KCNH5: variants seen among roughly 807,000 people sequenced by gnomAD.
KCNH5 encodes the protein voltage-gated delayed rectifier potassium channel KCNH5.
In KCNH5, 46 loss-of-function variants were observed where a neutral mutation model predicts 96.1. The observed-to-expected ratio is 0.48, with a 90% CI of 0.38 to 0.61. The LOEUF is 0.61. Ranked by LOEUF, KCNH5 falls within the 20% of genes least tolerant of loss-of-function variation. The probability of loss-of-function intolerance (pLI) is 0.00; values close to 1 mark genes in which losing one functional copy is unlikely to be tolerated. For synonymous variants in KCNH5, 439 were observed against 449.8 expected (o/e 0.98, Z 0.30); for missense variants, 907 against 1,225.8 (o/e 0.74, Z 3.88).
intron 7 of KCNH5, among the ~76,000 whole-genome samples, chr14:62,873,560 G>T (rs145072246): frequency 0.012 from 1,787 of 152,204 alleles, 56 homozygotes; most frequent in African/African-American, 0.041. Flanking sequence ...ATTACATATG[G>T]GAAGTATAAT....
At chr14:63,014,538 G>T (rs1018841249) in intron 2 of KCNH5, among the ~76,000 whole-genome samples, 2 of 152,082 alleles carry the variant, frequency 1.3e-5, no homozygotes, top group Non-Finnish European at 2.9e-5. Flanking sequence ...ACTTGCCAAA[G>T]AAAATAGGCC....
intron 6 of KCNH5, among the ~76,000 whole-genome samples, chr14:62,970,350 C>T (rs1338102101): frequency 6.6e-6 from 1 of 151,994 alleles, no homozygotes; most frequent in Non-Finnish European, 1.5e-5. Context: ...AATTAATAAC[C>T]TTCTAAAACA....
chr14:62,865,379 G>A (rs1366937934), intron 7 of KCNH5, among the ~76,000 whole-genome samples: 2 of 151,582 alleles, frequency 1.3e-5, no homozygotes, highest in African/African-American at 4.8e-5. Context: ...TAGACAAGTT[G>A]GACTGGAGTG....
chr14:62,980,333 T>C (rs1890582205), intron 6 of KCNH5, among the ~76,000 whole-genome samples: 1 of 152,178 alleles, frequency 6.6e-6, no homozygotes, highest in Admixed American at 6.5e-5. Flanking sequence ...TGGCAAAAAT[T>C]CAAGAATTGC....
intron 7 of KCNH5, among the ~76,000 whole-genome samples, chr14:62,851,284 C>G (rs1595654787): frequency 6.6e-6 from 1 of 152,056 alleles, no homozygotes; most frequent in African/African-American, 2.4e-5. Context: ...TTTCAATATT[C>G]ATATTTAAAA....
rs138918195 is a variant in KCNH5 at position 63,042,453 on chromosome 14, T to C, written c.73+2661A>G. 5.2e-3 allele frequency among the ~76,000 whole-genome samples: 788 copies of C among 152,152 alleles called. 5 individuals are homozygous for C. The highest frequency in any genetic ancestry group is 0.017 in the African/African-American group (718 of 41,534). On this transcript the variant is annotated intron_variant, in intron 1 of 10. Transcript: ENST00000322893. Reference sequence around the variant, plus strand: ...ATCTGACCTTTTCATAAGAAGAAAATGGTATTGTATCAGAAAGAGCTTTTC... The same window carrying C: ...ATCTGACCTTTTCATAAGAAGAAAACGGTATTGTATCAGAAAGAGCTTTTC...
At chr14:62,868,886 A>G (rs1278292766) in intron 7 of KCNH5, among the ~76,000 whole-genome samples, 2 of 152,318 alleles carry the variant, frequency 1.3e-5, no homozygotes, top group Admixed American at 6.5e-5. Flanking sequence ...TTATGGCTGC[A>G]TAGTATTCCA....
At chr14:62,729,601 T>G (rs563405566) in intron 10 of KCNH5, among the ~76,000 whole-genome samples, 1 of 152,234 alleles carries the variant, frequency 6.6e-6, no homozygotes, top group South Asian at 2.1e-4. Flanking sequence ...CTACTCTGAG[T>G]TCTAGGTGTA....
intron 8 of KCNH5, among the ~76,000 whole-genome samples, chr14:62,835,108 A>C (rs1887438816): frequency 1.3e-5 from 2 of 152,020 alleles, no homozygotes; most frequent in Non-Finnish European, 2.9e-5. Context: ...AGACTAAAGA[A>C]TTTCACTTTT....
Position 62,702,051 on chromosome 14 carries a change from T to C in KCNH5, c.*5457A>G, listed in dbSNP as rs1333091053. 1 of 151,982 alleles carries C rather than the reference T, an allele frequency of 6.6e-6. No individual in the cohort carries two copies. Among genetic ancestry groups the C allele is most frequent in the Non-Finnish European group, 1.5e-5 (1 of 67,938 alleles). The allele number at this position is 151,982 out of a possible 1,614,324, so 9.4% of individuals were successfully genotyped here. A position where few individuals can be genotyped will look rare whatever the true frequency, so the allele number is the denominator to read the frequency against. ...TCCCACTATTAAAAAGAAAAAGAAA[T>C]TATAGAAAAAAAATCCTGAATGACT... On this transcript the variant is annotated 3_prime_UTR_variant, in exon 11 of 11. Coordinates refer to ENST00000322893, the MANE Select transcript of KCNH5 (RefSeq NM_139318.5).
chr14:62,929,210 C>G (rs541414809), intron 7 of KCNH5, among the ~76,000 whole-genome samples: 1 of 152,094 alleles, frequency 6.6e-6, no homozygotes, highest in South Asian at 2.1e-4. Context: ...AACCACCCCC[C>G]GCATCTAGTC....
At chr14:62,964,526 T>C (rs926669034) in intron 6 of KCNH5, among the ~76,000 whole-genome samples, 11 of 152,068 alleles carry the variant, frequency 7.2e-5, no homozygotes, top group African/African-American at 2.2e-4. Flanking sequence ...TACTGTCTGT[T>C]TTTCCCCCAC....
chr14:62,899,775 A>G (rs1888887395), intron 7 of KCNH5, among the ~76,000 whole-genome samples: 1 of 150,880 alleles, frequency 6.6e-6, no homozygotes, highest in Non-Finnish European at 1.5e-5. Context: ...CGGAGCTTGC[A>G]GTGAGCCGAG....
intron 8 of KCNH5, among the ~76,000 whole-genome samples, chr14:62,819,216 C>T (rs1156583365): frequency 6.6e-6 from 1 of 152,158 alleles, no homozygotes; most frequent in African/African-American, 2.4e-5. Context: ...ATCCGCCCAC[C>T]TCAGCCTCCC....
At chr14:62,852,110 C>A in intron 7 of KCNH5, among the ~76,000 whole-genome samples, 1 of 152,182 alleles carries the variant, frequency 6.6e-6, no homozygotes. Flanking sequence ...TTATGAGGTA[C>A]AATGATATCT....
intron 10 of KCNH5, among the ~76,000 whole-genome samples, chr14:62,758,111 C>T (rs1173991525): frequency 2.7e-5 from 4 of 149,148 alleles, no homozygotes; most frequent in Non-Finnish European, 4.4e-5. Context: ...GGCCACTGCA[C>T]TCCAGCTTGG....
At chr14:62,932,656 C>G (rs1280620575) in intron 7 of KCNH5, among the ~76,000 whole-genome samples, 1 of 151,838 alleles carries the variant, frequency 6.6e-6, no homozygotes, top group African/African-American at 2.4e-5. Context: ...GGGATGAAAA[C>G]GAATCCATAG....
At chr14:62,848,705 T>C (rs961002942) in intron 8 of KCNH5, among the ~76,000 whole-genome samples, 1 of 152,126 alleles carries the variant, frequency 6.6e-6, no homozygotes, top group Non-Finnish European at 1.5e-5. Context: ...CCCTTTGACA[T>C]TGAAAGATGC....
intron 4 of KCNH5, among the ~76,000 whole-genome samples, chr14:62,993,443 C>T (rs917938327): frequency 6.6e-6 from 1 of 151,928 alleles, no homozygotes; most frequent in Non-Finnish European, 1.5e-5. Context: ...AGTTCCCCTT[C>T]TCTCCCATCC....
Sources: gnomAD v4.1 joint callset for allele counts (sites outside exome capture counted in the v4.1 genomes callset) on GRCh38, gnomAD v4.1.1 for gene constraint, MANE v1.5 for transcripts, NCBI Gene and HGNC (gene_info 2026-07-23, HGNC 2026-07-21) for gene names.